Variants in UBE2E2 observed in about 807,000 individuals in gnomAD.
UBE2E2 encodes the protein ubiquitin conjugating enzyme E2 E2.
A neutral mutation model predicts 24.7 loss-of-function variants in UBE2E2; 6 were observed. The observed-to-expected ratio is 0.24, with a 90% CI of 0.13 to 0.48. The LOEUF is 0.48. UBE2E2 is among the 20% of genes least tolerant of loss of function. The pLI, the probability that UBE2E2 is intolerant of heterozygous loss-of-function variation, is 0.99. For synonymous variants in UBE2E2, 104 were observed against 83.6 expected, an observed-to-expected ratio of 1.24 and a Z score of -1.33; for missense variants, 169 against 245.0, an observed-to-expected ratio of 0.69 and a Z score of 2.07.
At chr3:23,563,436 A>AAACT (rs1163519012) in intron 5 of UBE2E2, among the ~76,000 whole-genome samples, 2 of 152,210 alleles carry the variant, frequency 1.3e-5, no homozygotes, top group East Asian at 3.9e-4. Flanking sequence ...TCTGAGAGAC[A>AAACT]GTTTGTTATA....
At chr3:23,508,389 A>G (rs1694504037) in intron 4 of UBE2E2, among the ~76,000 whole-genome samples, 1 of 152,278 alleles carries the variant, frequency 6.6e-6, no homozygotes, top group African/African-American at 2.4e-5. Flanking sequence ...CTAATAGGAA[A>G]TCAGCCTTTT....
intron 2 of UBE2E2, 127 bp from the exon 3 acceptor site, chr3:23,217,135 T>C: frequency 1.2e-6 from 1 of 868,636 alleles, no homozygotes; most frequent in East Asian, 2.7e-5. Flanking sequence ...TGTGATTCTT[T>C]ATACAGTATT....
At chr3:23,413,051 TGG>T (rs1697531197) in intron 3 of UBE2E2, among the ~76,000 whole-genome samples, 1 of 41,232 alleles carries the variant, frequency 2.4e-5, no homozygotes, top group Non-Finnish European at 4.9e-5. Flanking sequence ...AGTTTTGGGG[TGG>T]GGGGAGGGGG....
intron 3 of UBE2E2, among the ~76,000 whole-genome samples, chr3:23,314,512 T>A (rs1694517351): frequency 6.6e-6 from 1 of 152,218 alleles, no homozygotes; most frequent in Non-Finnish European, 1.5e-5. Flanking sequence ...TGTTATAATA[T>A]TCTTTGTTTT....
chr3:23,384,160 T>C (rs1159118374), intron 3 of UBE2E2, among the ~76,000 whole-genome samples: 1 of 152,038 alleles, frequency 6.6e-6, no homozygotes, highest in Non-Finnish European at 1.5e-5. Context: ...CACACCCAGC[T>C]AAGTTTTTTG....
intron 3 of UBE2E2, among the ~76,000 whole-genome samples, chr3:23,247,939 T>C (rs748352201): frequency 3.3e-5 from 5 of 152,178 alleles, no homozygotes; most frequent in Admixed American, 1.3e-4. Flanking sequence ...GTCTTTAGAC[T>C]TTGCAGTTTA....
chr3:23,559,261 G>C (rs866805995), intron 5 of UBE2E2, among the ~76,000 whole-genome samples: 1 of 152,074 alleles, frequency 6.6e-6, no homozygotes, highest in Non-Finnish European at 1.5e-5. Context: ...GAATTCAAGT[G>C]CATTTGATTA....
chr3:23,506,334 T>G lies in UBE2E2; in HGVS notation c.360+6594T>G, dbSNP rs563741580. Among the ~76,000 whole-genome samples, 9 of 152,340 alleles carry G rather than the reference T, an allele frequency of 5.9e-5. No individual in the cohort carries two copies. The South Asian group carries it at 1.9e-3, about 32-fold the overall frequency. On this transcript the variant is annotated intron_variant, in intron 4 of 5. Coordinates refer to ENST00000396703, the MANE Select transcript of UBE2E2 (RefSeq NM_152653.4). The stretch of plus-strand genomic sequence containing the variant: ...CTTAACAAATCCAGAACCAAATTAT[T>G]GATTACCCCATTCTACATCAGCCAG...
chr3:23,311,516 A>G (rs1694391762), intron 3 of UBE2E2, among the ~76,000 whole-genome samples: 1 of 152,184 alleles, frequency 6.6e-6, no homozygotes, highest in African/African-American at 2.4e-5. Context: ...TAAAATATGG[A>G]GAACCATTAG....
chr3:23,409,934 C>G (rs1208918202), intron 3 of UBE2E2, among the ~76,000 whole-genome samples: 1 of 152,166 alleles, frequency 6.6e-6, no homozygotes, highest in Non-Finnish European at 1.5e-5. Flanking sequence ...CATCTTTTCT[C>G]TTATACAGTC....
At chr3:23,445,613 C>A (rs1436018949) in intron 3 of UBE2E2, among the ~76,000 whole-genome samples, 1 of 152,172 alleles carries the variant, frequency 6.6e-6, no homozygotes. Flanking sequence ...GATCGGAAAT[C>A]CTTTTTGCCT....
intron 4 of UBE2E2, among the ~76,000 whole-genome samples, chr3:23,524,386 A>T (rs907636402): frequency 2.6e-5 from 4 of 152,214 alleles, no homozygotes; most frequent in African/African-American, 9.6e-5. Flanking sequence ...ACTAATACTC[A>T]TTGGATTCCT....
At chr3:23,384,550 T>C (rs141698958) in intron 3 of UBE2E2, among the ~76,000 whole-genome samples, 1 of 152,246 alleles carries the variant, frequency 6.6e-6, no homozygotes, top group African/African-American at 2.4e-5. Context: ...TATTCTTATT[T>C]ATTTATTTTT....
chr3:23,585,181 C>A lies in UBE2E2; in HGVS notation c.509-4553C>A, dbSNP rs75850169. The stretch of plus-strand genomic sequence containing the variant: ...CTTGAAGCTAGGAATTTAAGACCAG[C>A]CTGGGCAACATCTGCCGTCTCTACC... On this transcript the variant is annotated intron_variant, in intron 5 of 5. Coordinates refer to ENST00000396703, the MANE Select transcript of UBE2E2 (RefSeq NM_152653.4). 7.8e-3 allele frequency among the ~76,000 whole-genome samples: 1,179 copies of A among 151,912 alleles called. 5 individuals carry two copies. Among genetic ancestry groups the A allele is most frequent in the Non-Finnish European group, 0.013 (867 of 67,956 alleles).
At chr3:23,476,910 T>A (rs1355198193) in intron 3 of UBE2E2, among the ~76,000 whole-genome samples, 1 of 152,148 alleles carries the variant, frequency 6.6e-6, no homozygotes, top group Non-Finnish European at 1.5e-5. Flanking sequence ...TATTTCCATT[T>A]GTAGTGTTGA....
Position 23,589,932 on chromosome 3 carries a change from T to C in UBE2E2, c.*101T>C. 8.8e-7 allele frequency: 1 copy of C among 1,131,690 alleles called. No homozygotes were observed. Among genetic ancestry groups the C allele is most frequent in the Non-Finnish European group, 1.3e-6 (1 of 794,194 alleles). 70.1% of individuals were successfully genotyped at this position (1,131,690 alleles called of 1,614,324 possible). On this transcript the variant is annotated 3_prime_UTR_variant, in exon 6 of 6. Coordinates refer to ENST00000396703, the MANE Select transcript of UBE2E2 (RefSeq NM_152653.4). The surrounding 1 kb of genome is among the most constrained non-coding windows in gnomAD (Gnocchi z 4.1). Reference sequence around the variant, plus strand: ...CCAGACCTCGGTTCTTATTTTCCTATTTTTATTAAATTTGGAACCATTTTG... The same window carrying C: ...CCAGACCTCGGTTCTTATTTTCCTACTTTTATTAAATTTGGAACCATTTTG...
chr3:23,565,632 G>A (rs190052121), intron 5 of UBE2E2, among the ~76,000 whole-genome samples: 3 of 151,700 alleles, frequency 2.0e-5, no homozygotes, highest in African/African-American at 7.3e-5. Flanking sequence ...AGGTTATAGG[G>A]GCCCTCTGGC....
At chr3:23,471,754 A>C (rs1344699822) in intron 3 of UBE2E2, among the ~76,000 whole-genome samples, 1 of 152,216 alleles carries the variant, frequency 6.6e-6, no homozygotes, top group African/African-American at 2.4e-5. Context: ...AGTACAGGAC[A>C]AAAGGGGAGA....
At chr3:23,404,279 G>A (rs2125374580) in intron 3 of UBE2E2, among the ~76,000 whole-genome samples, 1 of 152,238 alleles carries the variant, frequency 6.6e-6, no homozygotes, top group South Asian at 2.1e-4. Context: ...TTATATGACT[G>A]CAATAAGATT....
Sources: allele counts gnomAD v4.1 joint callset (sites outside exome capture counted in the v4.1 genomes callset), GRCh38; gene constraint gnomAD v4.1.1; non-coding constraint Gnocchi (gnomAD v3.1); transcripts MANE v1.5; gene names NCBI Gene and HGNC (gene_info 2026-07-23, HGNC 2026-07-21).